The following ADGRL1 variants were observed in gnomAD, a reference collection of about 807,000 sequenced individuals.
ADGRL1 encodes the protein CIRL-1.
Under a neutral mutation model 148.9 loss-of-function variants are expected in ADGRL1, and 31 were observed. The observed-to-expected ratio is 0.21, with a 90% CI of 0.16 to 0.28. ADGRL1 has a LOEUF of 0.28. Among genes scored for constraint, ADGRL1 ranks in the 10% least tolerant of loss-of-function variants. The probability of loss-of-function intolerance (pLI) is 1.00; values close to 1 mark genes in which losing one functional copy is unlikely to be tolerated. For synonymous variants in ADGRL1, 937 were observed against 900.3 expected, an observed-to-expected ratio of 1.04 and a Z score of -0.73; for missense variants, 1,521 against 2,058.8, an observed-to-expected ratio of 0.74 and a Z score of 5.05.
chr19:14,183,200 A>AGAGAGAGAGAGAGC (rs1971324228), intron 2 of ADGRL1, among the ~76,000 whole-genome samples: 1 of 148,000 alleles, frequency 6.8e-6, no homozygotes, highest in Non-Finnish European at 1.5e-5. Flanking sequence ...TCACAGAGAG[A>AGAGAGAGAGAGAGC]GAGAGAGAGA....
chr19:14,179,414 A>G (rs566838706), intron 2 of ADGRL1, among the ~76,000 whole-genome samples: 1 of 151,958 alleles, frequency 6.6e-6, no homozygotes, highest in Non-Finnish European at 1.5e-5. Context: ...GAATGGCCTG[A>G]ACCCAGGAGG....
At chr19:14,197,725 G>A (rs1010800639) in intron 1 of ADGRL1, among the ~76,000 whole-genome samples, 2 of 152,332 alleles carry the variant, frequency 1.3e-5, no homozygotes, top group Admixed American at 6.5e-5. Context: ...GCTGTTAAAT[G>A]TCTGTCTTCC....
chr19:14,158,325 C>A lies in ADGRL1; in HGVS notation c.2364+13G>T, dbSNP rs764124754. The A allele has an allele frequency of 2.5e-6, 4 of 1,612,210 alleles. No homozygotes were observed. Among genetic ancestry groups the A allele is most frequent in the Non-Finnish European group, 3.4e-6 (4 of 1,179,412 alleles). On this transcript the variant is annotated intron_variant, in intron 12 of 22. Coordinates refer to ENST00000361434, the MANE Select transcript of ADGRL1 (RefSeq NM_014921.5). ...AGGGACCCCCATGGAGGGAGGGGGA[C>A]GGCTCAGCTCACCTCCAGGTGGGCC... is the stretch of plus-strand genomic sequence containing the variant.
chr19:14,155,547 G>T lies in ADGRL1; in HGVS notation c.3126-20C>A. ...CAGGATCTGGGAGTGGGGCGACAGG[G>T]GAGTCAAAGTACCCGCCGGAGGGGA... On this transcript the variant is annotated intron_variant, in intron 17 of 22. Coordinates refer to ENST00000361434, the MANE Select transcript of ADGRL1 (RefSeq NM_014921.5). This position sits in a 1 kb window ranked among gnomAD's most constrained non-coding sequence, Gnocchi z 5.0. The T allele has an allele frequency of 6.2e-7, 1 of 1,612,446 alleles. No individual in the cohort carries two copies. Among genetic ancestry groups the T allele is most frequent in the East Asian group, 2.2e-5 (1 of 44,860 alleles).
Position 14,183,649 on chromosome 19 carries a change from G to A in ADGRL1, c.-47C>T. 1.3e-6 allele frequency: 2 copies of A among 1,512,524 alleles called. No individual in the cohort carries two copies. The highest frequency in any genetic ancestry group is 1.8e-6 in the Non-Finnish European group (2 of 1,115,082). 93.7% of individuals were successfully genotyped at this position (1,512,524 alleles called of 1,614,324 possible). Reference sequence around the variant, plus strand: ...CGGAGCTCTCAGTGGCCTGTGCGGGGGGCTTTGCCCCACATCACCTGGCAG... The same window carrying A: ...CGGAGCTCTCAGTGGCCTGTGCGGGAGGCTTTGCCCCACATCACCTGGCAG... On this transcript the variant is annotated 5_prime_UTR_variant, in exon 2 of 23. Transcript: ENST00000361434.
In ADGRL1 at chr19:14,159,450, G is replaced by A. The variant is rs369586174; in HGVS notation, c.1974C>T (p.Ala658=). ...DVLEEGAFLL[A]DNVREPARFL... is the part of the protein sequence containing the mutation. ...AGCGGGCAGGCTCCCTGACATTGTC[G>A]GCCAGCAGGAAGGCGCCCTCCTCCA... The change falls in exon 10 of 23, where the codon GCC becomes GCT. Residue 658 remains alanine, a synonymous_variant. Coordinates refer to ENST00000361434, the MANE Select transcript of ADGRL1 (RefSeq NM_014921.5). This position sits in a 1 kb window ranked among gnomAD's most constrained non-coding sequence, Gnocchi z 6.0. The A allele has an allele frequency of 1.2e-5, 19 of 1,613,042 alleles. No individual in the cohort carries two copies. Among genetic ancestry groups the A allele is most frequent in the South Asian group, 3.3e-5 (3 of 91,034 alleles).
rs532448974 is a variant in ADGRL1, at chr19:14,183,588, G to A, written c.15C>T (p.Ala5=). The part of the protein sequence containing the change: MARL[A]AVLWNLCVTA... ...TGACACACAGATTCCAGAGCACTGC[G>A]GCTAGGCGGGCCATGGTGGCAGCCG... The change falls in exon 2 of 23, where the codon GCC becomes GCT. Residue 5 remains alanine (A), a synonymous_variant. Transcript: ENST00000361434. The A allele has an allele frequency of 8.4e-5, 132 of 1,579,946 alleles. 1 individual carries two copies. The South Asian group carries it at 9.3e-4, about 11-fold the overall frequency.
rs148832928 is a variant in ADGRL1 at position 14,175,677 on chromosome 19, C to T, written c.284+1854G>A. 1.6e-3 allele frequency among the ~76,000 whole-genome samples: 246 copies of T among 152,140 alleles called. 1 individual carries two copies. The highest frequency in any genetic ancestry group is 5.7e-3 in the African/African-American group (236 of 41,416). On this transcript the variant is annotated intron_variant, in intron 3 of 22. Transcript: ENST00000361434. ...GCACACACCTACACCTGTTCACATA[C>T]ACTTAGACACACAGACACACTTAGT...
rs71170599 is a variant in ADGRL1, at chr19:14,163,465, G to GGAGAGAGAGAGAGAGAGAGAGAGA, written c.395-83_395-60dup. ...AGAGAAGGGGCAGAGGCGAGAGGGA[G>GGAGAGAGAGAGAGAGAGAGAGAGA]GAGAGAGAGAGAGAGAGAGAGAGAG... On this transcript the variant is annotated intron_variant, in intron 4 of 22. Coordinates refer to ENST00000361434, the MANE Select transcript of ADGRL1 (RefSeq NM_014921.5). 20 of 702,322 alleles carry GGAGAGAGAGAGAGAGAGAGAGAGA rather than the reference G, an allele frequency of 2.8e-5. No homozygotes were observed. The African/African-American group carries it at 3.5e-4, about 12-fold the overall frequency. 43.5% of individuals were successfully genotyped at this position (702,322 alleles called of 1,614,324 possible). A position where few individuals can be genotyped will look rare whatever the true frequency, so the allele number is the denominator to read the frequency against.
At chr19:14,180,296 C>T (rs962918510) in intron 2 of ADGRL1, among the ~76,000 whole-genome samples, 1 of 152,298 alleles carries the variant, frequency 6.6e-6, no homozygotes, top group South Asian at 2.1e-4. Flanking sequence ...CGCTCTGTCA[C>T]CCAGGCTGGA....
chr19:14,205,705 C>G (rs1972954489), intron 1 of ADGRL1, among the ~76,000 whole-genome samples: 2 of 151,578 alleles, frequency 1.3e-5, no homozygotes, highest in Admixed American at 6.6e-5. Context: ...TCCCCTCCCC[C>G]CGCCAGGCAC....
rs753065466 is a variant in ADGRL1 at position 14,157,021 on chromosome 19, C to T, written c.2870G>A (p.Arg957His). The T allele has an allele frequency of 1.4e-5, 22 of 1,613,708 alleles. No individual in the cohort carries two copies. The highest frequency in any genetic ancestry group is 2.2e-5 in the South Asian group (2 of 91,050). ...LVEVFESEYS[R>H]TKYYYLGGYC... ...GCCACCCAGGTAGTAGTACTTGGTGCGGGAATACTCGCTCTCAAACACCTC... is the reference window on the plus strand; with the variant it reads ...GCCACCCAGGTAGTAGTACTTGGTGTGGGAATACTCGCTCTCAAACACCTC... Residue 957 changes from arginine (R) to histidine (H), a missense_variant, in exon 15 of 23, where the codon CGC becomes CAC. Arg to His is a conservative substitution (Grantham distance 29). This residue lies in a region of ADGRL1 where 185 missense variants were observed against 251.7 expected (regional missense o/e 0.74). Coordinates refer to ENST00000361434, the MANE Select transcript of ADGRL1 (RefSeq NM_014921.5). This position sits in a 1 kb window ranked among gnomAD's most constrained non-coding sequence, Gnocchi z 7.5.
intron 4 of ADGRL1, 89 bp from the exon 5 acceptor site, chr19:14,163,495 AGAG>A: frequency 1.2e-6 from 1 of 861,904 alleles, no homozygotes; most frequent in Non-Finnish European, 1.7e-6. Flanking sequence ...AGAGAGAGAG[AGAG>A]GGGGGAGAGA....
rs1214614250 is a variant in ADGRL1, at chr19:14,157,196, T to C, written c.2746-51A>G. 1 of 1,612,990 alleles carries C rather than the reference T, an allele frequency of 6.2e-7. No homozygotes were observed. Among genetic ancestry groups the C allele is most frequent in the Admixed American group, 1.7e-5 (1 of 59,994 alleles). ...GCTGCTGCCTGGACAGGTGTCCCCC[T>C]TCTTCTCCCGGCCCCCAGGCGCTGG... On this transcript the variant is annotated intron_variant, in intron 14 of 22. Transcript: ENST00000361434. This position sits in a 1 kb window ranked among gnomAD's most constrained non-coding sequence, Gnocchi z 7.5.
intron 4 of ADGRL1, chr19:14,167,150 T>G: frequency 1.2e-6 from 1 of 847,010 alleles, no homozygotes; most frequent in East Asian, 2.7e-5. Context: ...ACGCCCCCTT[T>G]TCCTTTCCTT....
Position 14,162,966 on chromosome 19 carries a change from C to T in ADGRL1, c.835G>A (p.Glu279Lys), listed in dbSNP as rs775496686. The T allele has an allele frequency of 6.2e-7, 1 of 1,613,914 alleles. No homozygotes were observed. Among genetic ancestry groups the T allele is most frequent in the Non-Finnish European group, 8.5e-7 (1 of 1,179,970 alleles). ...ACCACCAGCCGCCCGTTGTTGCCCTCAGTGGCGTAGATGACCCACAGCCCG... is the reference window on the plus strand; with the variant it reads ...ACCACCAGCCGCCCGTTGTTGCCCTTAGTGGCGTAGATGACCCACAGCCCG... ...ENGLWVIYAT[E>K]GNNGRLVVSQ... The change falls in exon 5 of 23, where the codon GAG (glutamate) becomes AAG (lysine). Residue 279 changes from glutamate to lysine, a missense_variant. This residue lies in a region of ADGRL1 where 334 missense variants were observed against 512.5 expected (regional missense o/e 0.65). Transcript: ENST00000361434. This position sits in a 1 kb window ranked among gnomAD's most constrained non-coding sequence, Gnocchi z 5.4.
At chr19:14,196,328 T>A (rs1972261845) in intron 1 of ADGRL1, among the ~76,000 whole-genome samples, 1 of 152,168 alleles carries the variant, frequency 6.6e-6, no homozygotes. Context: ...ATACAAAGGC[T>A]CTGCACTGGG....
chr19:14,195,250 A>T (rs1972185137), intron 1 of ADGRL1, among the ~76,000 whole-genome samples: 1 of 152,086 alleles, frequency 6.6e-6, no homozygotes, highest in Admixed American at 6.5e-5. Context: ...GTATGTTCGC[A>T]TCTAAGCCCT....
chr19:14,201,145 C>T (rs1361760316), intron 1 of ADGRL1, among the ~76,000 whole-genome samples: 3 of 152,018 alleles, frequency 2.0e-5, no homozygotes, highest in Admixed American at 6.6e-5. Flanking sequence ...TAATGGAAAT[C>T]GTCTAGGAAA....
Sources: gnomAD v4.1 joint callset for allele counts (sites outside exome capture counted in the v4.1 genomes callset) on GRCh38, gnomAD v4.1.1 for gene constraint, gnomAD v4.1.1 regional missense constraint, Gnocchi (gnomAD v3.1) non-coding constraint, MANE v1.5 for transcripts, NCBI Gene and HGNC (gene_info 2026-07-23, HGNC 2026-07-21) for gene names.